The following CALN1 variants were observed in gnomAD, a reference collection of about 807,000 sequenced individuals.
The protein encoded by CALN1 is calneuron 1.
CALN1 carries 17 observed loss-of-function variants against 30.6 expected under a neutral mutation model. That is an observed-to-expected ratio of 0.56 (90% CI 0.38 to 0.83). The LOEUF is 0.83. CALN1 is among the 40% of genes least tolerant of loss of function. The probability of loss-of-function intolerance (pLI) is 0.00; values close to 1 mark genes in which losing one functional copy is unlikely to be tolerated. For synonymous variants in CALN1, 156 were observed against 131.4 expected, an observed-to-expected ratio of 1.19 and a Z score of -1.28; for missense variants, 291 against 354.9, an observed-to-expected ratio of 0.82 and a Z score of 1.45.
chr7:72,032,756 CTA>C (rs1271682879), intron 4 of CALN1, among the ~76,000 whole-genome samples: 10 of 152,218 alleles, frequency 6.6e-5, no homozygotes, highest in African/African-American at 2.4e-4. Context: ...TAGTAATTCT[CTA>C]TGGGTGCTCC....
At chr7:72,207,579 G>C (rs1791982016) in intron 3 of CALN1, among the ~76,000 whole-genome samples, 1 of 152,208 alleles carries the variant, frequency 6.6e-6, no homozygotes, top group Non-Finnish European at 1.5e-5. Flanking sequence ...CCTCCTGGTA[G>C]TGCTGGGATT....
chr7:71,810,621 C>T, intron 5 of CALN1, 129 bp from the exon 6 acceptor site: 1 of 833,582 alleles, frequency 1.2e-6, no homozygotes, highest in Non-Finnish European at 1.9e-6. Flanking sequence ...ATCAGGTGAA[C>T]AGTTTTCCAT....
chr7:72,397,240 C>T (rs918304712), intron 2 of CALN1, among the ~76,000 whole-genome samples: 1 of 152,136 alleles, frequency 6.6e-6, no homozygotes, highest in Admixed American at 6.6e-5. Flanking sequence ...GAGCACTCCA[C>T]ATACTGAAGC....
At chr7:72,088,214 C>T (rs897538780) in intron 4 of CALN1, among the ~76,000 whole-genome samples, 4 of 152,064 alleles carry the variant, frequency 2.6e-5, no homozygotes, top group East Asian at 1.9e-4. Context: ...ACAACAACAA[C>T]ATAACACCAG....
At chr7:72,492,622 G>T in the CALN1 span, among the ~76,000 whole-genome samples, 1 of 152,234 alleles carries the variant, frequency 6.6e-6, no homozygotes, top group Non-Finnish European at 1.5e-5. Context: ...GGGCTGTGGG[G>T]GCACCATGCC....
chr7:72,001,890 A>G (rs1799544616), intron 5 of CALN1, among the ~76,000 whole-genome samples: 1 of 152,230 alleles, frequency 6.6e-6, no homozygotes, highest in African/African-American at 2.4e-5. Flanking sequence ...TAACATTTTA[A>G]AAGTCAATCA....
intron 3 of CALN1, among the ~76,000 whole-genome samples, chr7:72,263,768 T>G (rs1796429509): frequency 6.6e-6 from 1 of 152,186 alleles, no homozygotes; most frequent in Non-Finnish European, 1.5e-5. Flanking sequence ...TAGTGTTCAT[T>G]TATTCAACAA....
At chr7:71,932,765 G>A (rs184787369) in intron 5 of CALN1, among the ~76,000 whole-genome samples, 5 of 146,476 alleles carry the variant, frequency 3.4e-5, no homozygotes, top group African/African-American at 1.3e-4. Flanking sequence ...ACAGTGAGCC[G>A]AGATCGCATC....
intron 5 of CALN1, among the ~76,000 whole-genome samples, chr7:71,917,494 T>G (rs1191929020): frequency 6.6e-6 from 1 of 152,200 alleles, no homozygotes; most frequent in East Asian, 1.9e-4. Flanking sequence ...GCTGTATTAG[T>G]CCATTCTCAC....
intron 3 of CALN1, among the ~76,000 whole-genome samples, chr7:72,246,300 C>T (rs1795153446): frequency 6.6e-6 from 1 of 152,110 alleles, no homozygotes; most frequent in African/African-American, 2.4e-5. Flanking sequence ...TAGGGACTGG[C>T]CTTAAAATGC....
At chr7:72,467,165 A>G in the CALN1 span, among the ~76,000 whole-genome samples, 2 of 152,204 alleles carry the variant, frequency 1.3e-5, no homozygotes, top group Non-Finnish European at 2.9e-5. Flanking sequence ...GAGACAGCCT[A>G]TGACCAATAT....
chr7:72,441,165 G>A (rs1808331492), intron 1 of CALN1, among the ~76,000 whole-genome samples: 1 of 152,130 alleles, frequency 6.6e-6, no homozygotes, highest in African/African-American at 2.4e-5. Context: ...AAGTTTATCT[G>A]TGAAGAAAAA....
At chr7:72,306,701 A>C (rs1799678739) in intron 2 of CALN1, among the ~76,000 whole-genome samples, 1 of 152,114 alleles carries the variant, frequency 6.6e-6, no homozygotes, top group African/African-American at 2.4e-5. Context: ...AGAAGCCCCC[A>C]TTTTGAGTTA....
At chr7:71,899,356 T>C (rs1793725309) in intron 5 of CALN1, among the ~76,000 whole-genome samples, 1 of 152,158 alleles carries the variant, frequency 6.6e-6, no homozygotes, top group Non-Finnish European at 1.5e-5. Context: ...TTGGTCAGGC[T>C]GGTCTCGAAC....
chr7:72,471,504 A>G, the CALN1 span, among the ~76,000 whole-genome samples: 2 of 152,216 alleles, frequency 1.3e-5, no homozygotes, highest in Non-Finnish European at 2.9e-5. Flanking sequence ...TGGTGCTGGA[A>G]GCAGGGTGTC....
intron 3 of CALN1, among the ~76,000 whole-genome samples, chr7:72,227,862 G>A (rs1308381182): frequency 4.0e-5 from 6 of 149,662 alleles, no homozygotes; most frequent in African/African-American, 1.5e-4. Flanking sequence ...AGAAACCCAG[G>A]AGAGCGTTCC....
intron 5 of CALN1, among the ~76,000 whole-genome samples, chr7:71,902,696 G>A (rs1793923960): frequency 6.6e-6 from 1 of 152,140 alleles, no homozygotes; most frequent in Non-Finnish European, 1.5e-5. Flanking sequence ...TTATATTCTT[G>A]TATGTTTATT....
chr7:72,309,972 C>T (rs1799930290), intron 2 of CALN1, among the ~76,000 whole-genome samples: 1 of 152,182 alleles, frequency 6.6e-6, no homozygotes, highest in Non-Finnish European at 1.5e-5. Flanking sequence ...TCCCTGAGCA[C>T]TGCACCCTGT....
At chr7:72,500,405 C>T in the CALN1 span, among the ~76,000 whole-genome samples, 4 of 150,074 alleles carry the variant, frequency 2.7e-5, no homozygotes, top group South Asian at 2.1e-4. Context: ...CTCAGCCTCC[C>T]GAGTAGCTGG....
Sources: gnomAD v4.1 joint callset for allele counts (sites outside exome capture counted in the v4.1 genomes callset) on GRCh38, gnomAD v4.1.1 for gene constraint, MANE v1.5 for transcripts, NCBI Gene and HGNC (gene_info 2026-07-23, HGNC 2026-07-21) for gene names.